DLC1: variants seen among roughly 807,000 people sequenced by gnomAD.
DLC1 encodes DLC1 Rho GTPase activating protein, also known as rho GTPase-activating protein 7.
Under a neutral mutation model 140.3 loss-of-function variants are expected in DLC1, and 54 were observed. That is an observed-to-expected ratio of 0.38 (90% CI 0.31 to 0.48). The LOEUF (loss-of-function observed/expected upper bound fraction) is 0.48. Among genes scored for constraint, DLC1 ranks in the 20% least tolerant of loss-of-function variants. The probability of loss-of-function intolerance (pLI) is 0.96; values close to 1 mark genes in which losing one functional copy is unlikely to be tolerated. For synonymous variants in DLC1, 986 were observed against 728.1 expected (o/e 1.35, Z -5.70); for missense variants, 2,536 against 1,907.0 (o/e 1.33, Z -6.14).
rs1367039152 is a variant in DLC1, at chr8:13,214,597, G to C, written c.1348+90672C>G. The C allele has an allele frequency of 4.2e-6, 3 of 722,864 alleles. No homozygotes were observed. In the South Asian group the frequency reaches 4.5e-5, roughly 11 times the overall value. The allele number at this position is 722,864 out of a possible 1,614,324, so 44.8% of individuals were successfully genotyped here. A position where few individuals can be genotyped will look rare whatever the true frequency, so the allele number is the denominator to read the frequency against. ...TTTGTGGCTGCCCGAGGAAATTGGAGTGCAGTGTTCTGCCAGGCACACACC... is the reference window on the plus strand; with the variant it reads ...TTTGTGGCTGCCCGAGGAAATTGGACTGCAGTGTTCTGCCAGGCACACACC... On this transcript the variant is annotated intron_variant, in intron 5 of 17. Coordinates refer to ENST00000276297, the MANE Select transcript of DLC1 (RefSeq NM_182643.3).
chr8:13,506,876 C>A (rs933137052), intron 1 of DLC1, among the ~76,000 whole-genome samples: 1 of 151,934 alleles, frequency 6.6e-6, no homozygotes, highest in African/African-American at 2.4e-5. Context: ...GTGAGGGTCA[C>A]CTTAGTAAGA....
intron 5 of DLC1, among the ~76,000 whole-genome samples, chr8:13,175,909 T>C (rs1159955223): frequency 5.9e-5 from 9 of 152,214 alleles, no homozygotes; most frequent in African/African-American, 1.2e-4. Flanking sequence ...CAAACACTTA[T>C]CTGTTCTTCA....
intron 1 of DLC1, among the ~76,000 whole-genome samples, chr8:13,503,431 G>A (rs973315960): frequency 3.3e-5 from 5 of 152,068 alleles, no homozygotes; most frequent in Non-Finnish European, 5.9e-5. Flanking sequence ...AAATGTTACC[G>A]TATTTAACAA....
At chr8:13,128,108 T>C (rs1460182728) in intron 5 of DLC1, among the ~76,000 whole-genome samples, 1 of 151,752 alleles carries the variant, frequency 6.6e-6, no homozygotes, top group Non-Finnish European at 1.5e-5. Context: ...TAAGAGAAAC[T>C]GATTTCCACT....
intron 1 of DLC1, among the ~76,000 whole-genome samples, chr8:13,537,998 G>C (rs1563427368): frequency 1.3e-5 from 2 of 152,090 alleles, no homozygotes; most frequent in Non-Finnish European, 2.9e-5. Flanking sequence ...CACGCTTTGG[G>C]CTAAGCAAAT....
chr8:13,089,658 G>C (rs1400121523), intron 15 of DLC1, among the ~76,000 whole-genome samples: 2 of 152,046 alleles, frequency 1.3e-5, no homozygotes, highest in African/African-American at 4.8e-5. Context: ...AAAAACATCA[G>C]ACATTTGCAC....
intron 7 of DLC1, among the ~76,000 whole-genome samples, chr8:13,106,174 G>C (rs1022507657): frequency 6.6e-6 from 1 of 152,196 alleles, no homozygotes; most frequent in Non-Finnish European, 1.5e-5. Context: ...AAGCACAGCA[G>C]GTGGGGACCT....
intron 5 of DLC1, among the ~76,000 whole-genome samples, chr8:13,191,873 T>C (rs1468312314): frequency 6.6e-6 from 1 of 152,000 alleles, no homozygotes; most frequent in Non-Finnish European, 1.5e-5. Flanking sequence ...CCTATGACTC[T>C]GACCTCTCTC....
chr8:13,344,965 G>A (rs758221942), intron 4 of DLC1, among the ~76,000 whole-genome samples: 19 of 152,088 alleles, frequency 1.2e-4, no homozygotes, highest in Non-Finnish European at 2.5e-4. Context: ...GGGGATAAAG[G>A]GGAACGATAA....
intron 1 of DLC1, among the ~76,000 whole-genome samples, chr8:13,549,696 G>T (rs1803779129): frequency 6.6e-6 from 1 of 152,138 alleles, no homozygotes; most frequent in Admixed American, 6.6e-5. Flanking sequence ...GGCCTGCCTG[G>T]CTTCAGAATT....
intron 2 of DLC1, among the ~76,000 whole-genome samples, chr8:13,439,469 G>C (rs944154434): frequency 5.9e-5 from 9 of 151,414 alleles, no homozygotes; most frequent in African/African-American, 2.2e-4. Flanking sequence ...AACTTTCTCT[G>C]TTTTTCTTTT....
intron 2 of DLC1, among the ~76,000 whole-genome samples, chr8:13,414,255 T>C (rs1013821419): frequency 3.3e-5 from 5 of 152,220 alleles, no homozygotes; most frequent in Admixed American, 6.5e-5. Flanking sequence ...AGTATCCTTA[T>C]TATTGGTATG....
Position 13,094,854 on chromosome 8 carries a change from T to A in DLC1, c.3431A>T (p.Tyr1144Phe), listed in dbSNP as rs762869191. ...CTGCTTCAGCATGTCTGCCACGTCA[T>A]AAGCAGACTGTCCTTCGTAGTTGAC... is the stretch of plus-strand genomic sequence containing the variant. ...DCVNYEGQSAYDVADMLKQYF... is the reference protein window; with the variant it reads ...DCVNYEGQSAFDVADMLKQYF... The change falls in exon 12 of 18, where the codon TAT becomes TTT. Residue 1144 changes from tyrosine (Y) to phenylalanine (F), a missense_variant. Coordinates refer to ENST00000276297, the MANE Select transcript of DLC1 (RefSeq NM_182643.3). The A allele has an allele frequency of 6.2e-7, 1 of 1,614,130 alleles. No homozygotes were observed. Among genetic ancestry groups the A allele is most frequent in the African/African-American group, 1.3e-5 (1 of 74,946 alleles).
intron 2 of DLC1, among the ~76,000 whole-genome samples, chr8:13,437,897 A>G (rs1395035395): frequency 1.3e-5 from 2 of 152,150 alleles, no homozygotes; most frequent in Non-Finnish European, 2.9e-5. Context: ...TGGCTGCTTC[A>G]GACTAATGGG....
intron 2 of DLC1, among the ~76,000 whole-genome samples, chr8:13,436,086 T>G (rs970177289): frequency 6.6e-6 from 1 of 152,228 alleles, no homozygotes; most frequent in Non-Finnish European, 1.5e-5. Flanking sequence ...TACAGTATAG[T>G]GTAAACATAA....
intron 5 of DLC1, among the ~76,000 whole-genome samples, chr8:13,140,010 A>G (rs1279211372): frequency 2.0e-5 from 3 of 152,130 alleles, no homozygotes; most frequent in African/African-American, 7.2e-5. Context: ...CATCTCCAGA[A>G]CTTTTTCATC....
chr8:13,540,344 C>G (rs1803441248), intron 1 of DLC1, among the ~76,000 whole-genome samples: 1 of 152,214 alleles, frequency 6.6e-6, no homozygotes, highest in Non-Finnish European at 1.5e-5. Flanking sequence ...TAAATTTAAA[C>G]TAACCGTTCA....
At chr8:13,309,764 A>G (rs1832595632) in intron 4 of DLC1, among the ~76,000 whole-genome samples, 3 of 152,334 alleles carry the variant, frequency 2.0e-5, no homozygotes, top group Admixed American at 2.0e-4. Flanking sequence ...CCAACCGCAC[A>G]GAAGCTGCTA....
Position 13,305,314 on chromosome 8 carries a change from G to C in DLC1, c.1315-12C>G. ...ATACCTTGAATAGCCTGAAAAAAAA[G>C]ACACAAAAATTGTGGTATTATTAGG... On this transcript the variant is annotated splice_polypyrimidine_tract_variant and intron_variant, in intron 4 of 17. Transcript: ENST00000276297. 6.3e-7 allele frequency: 1 copy of C among 1,582,108 alleles called. No homozygotes were observed. The highest frequency in any genetic ancestry group is 1.4e-5 in the African/African-American group (1 of 73,636).
Sources: gnomAD v4.1 joint callset for allele counts (sites outside exome capture counted in the v4.1 genomes callset) on GRCh38, gnomAD v4.1.1 for gene constraint, MANE v1.5 for transcripts, NCBI Gene and HGNC (gene_info 2026-07-23, HGNC 2026-07-21) for gene names.